The following BTBD9 variants were observed in gnomAD, a reference collection of about 807,000 sequenced individuals.
The protein encoded by BTBD9 is BTB/POZ domain-containing protein 9.
BTBD9 carries 49 observed loss-of-function variants against 64.3 expected under a neutral mutation model. The ratio of observed to expected loss-of-function variants is 0.76; its 90% confidence interval spans 0.61 to 0.97. BTBD9 has a LOEUF of 0.97. BTBD9 is among the 50% of genes least tolerant of loss of function. BTBD9 has a pLI of 0.00. For missense variants in BTBD9, 598 were observed against 762.1 expected, an observed-to-expected ratio of 0.78 and a Z score of 2.53; for synonymous variants, 260 against 274.7, an observed-to-expected ratio of 0.95 and a Z score of 0.53.
At chr6:38,434,585 T>G (rs1009024001) in intron 6 of BTBD9, among the ~76,000 whole-genome samples, 4 of 152,000 alleles carry the variant, frequency 2.6e-5, no homozygotes, top group Non-Finnish European at 5.9e-5. Context: ...GCACATGTTG[T>G]CAGGGTCTCC....
chr6:38,311,866 A>G (rs990367099), intron 7 of BTBD9, among the ~76,000 whole-genome samples: 2 of 149,958 alleles, frequency 1.3e-5, no homozygotes. Flanking sequence ...TTTCTTTTTT[A>G]TTTTTATTTT....
At chr6:38,483,276 T>C (rs1771246685) in intron 6 of BTBD9, among the ~76,000 whole-genome samples, 1 of 152,086 alleles carries the variant, frequency 6.6e-6, no homozygotes, top group Admixed American at 6.6e-5. Flanking sequence ...TCTATCTTGC[T>C]ACAACCAGGA....
intron 9 of BTBD9, among the ~76,000 whole-genome samples, chr6:38,213,619 A>C (rs1178859969): frequency 6.6e-6 from 1 of 152,216 alleles, no homozygotes; most frequent in Non-Finnish European, 1.5e-5. Flanking sequence ...AATGTGAGGC[A>C]GTATGTGGCA....
At chr6:38,517,033 G>A (rs1274422543) in intron 6 of BTBD9, among the ~76,000 whole-genome samples, 2 of 152,156 alleles carry the variant, frequency 1.3e-5, no homozygotes, top group Non-Finnish European at 2.9e-5. Context: ...GAGCTCCAAA[G>A]AGCCCATCAA....
At chr6:38,300,534 T>C (rs1207373002) in intron 7 of BTBD9, among the ~76,000 whole-genome samples, 2 of 152,118 alleles carry the variant, frequency 1.3e-5, no homozygotes, top group Non-Finnish European at 2.9e-5. Flanking sequence ...TTTTATTTCA[T>C]TGAGCAGTGG....
At chr6:38,602,503 C>G (rs900172098) in intron 1 of BTBD9, among the ~76,000 whole-genome samples, 1 of 151,722 alleles carries the variant, frequency 6.6e-6, no homozygotes, top group Non-Finnish European at 1.5e-5. Context: ...TAAAAAAATA[C>G]ACTGAAAAAG....
chr6:38,441,273 T>A (rs745569305), intron 6 of BTBD9, among the ~76,000 whole-genome samples: 1 of 152,164 alleles, frequency 6.6e-6, no homozygotes, highest in Non-Finnish European at 1.5e-5. Context: ...TGGTAGTAGA[T>A]CCTTTGGAGG....
chr6:38,342,415 A>G (rs530414661), intron 7 of BTBD9, among the ~76,000 whole-genome samples: 3 of 151,926 alleles, frequency 2.0e-5, no homozygotes, highest in East Asian at 3.9e-4. Context: ...CGACACCTGT[A>G]GTCCCAGTTA....
At chr6:38,634,119 G>C (rs1307989859) in intron 1 of BTBD9, among the ~76,000 whole-genome samples, 1 of 152,168 alleles carries the variant, frequency 6.6e-6, no homozygotes, top group African/African-American at 2.4e-5. Context: ...AAGCACCTAG[G>C]CAGAATAGTG....
At chr6:38,546,027 T>C (rs1774540972) in intron 6 of BTBD9, among the ~76,000 whole-genome samples, 1 of 152,174 alleles carries the variant, frequency 6.6e-6, no homozygotes, top group Admixed American at 6.5e-5. Flanking sequence ...CTAGTGGATA[T>C]GGTAAGAAGT....
chr6:38,293,269 T>A (rs942676076), intron 7 of BTBD9, among the ~76,000 whole-genome samples: 2 of 152,166 alleles, frequency 1.3e-5, no homozygotes, highest in African/African-American at 4.8e-5. Flanking sequence ...GATTCAATGC[T>A]ATCCCCATCA....
chr6:38,343,567 G>A (rs1045310221), intron 7 of BTBD9, among the ~76,000 whole-genome samples: 3 of 152,056 alleles, frequency 2.0e-5, no homozygotes, highest in Non-Finnish European at 4.4e-5. Context: ...TGGACAACAG[G>A]TGAAAAAGAA....
chr6:38,293,175 G>A (rs980529103), intron 7 of BTBD9, among the ~76,000 whole-genome samples: 5 of 151,946 alleles, frequency 3.3e-5, no homozygotes, highest in South Asian at 2.1e-4. Context: ...GAACACAAAC[G>A]AATGGAAAAA....
chr6:38,322,576 A>C (rs1417807835), intron 7 of BTBD9, among the ~76,000 whole-genome samples: 1 of 152,204 alleles, frequency 6.6e-6, no homozygotes, highest in Non-Finnish European at 1.5e-5. Flanking sequence ...TGGTAGTAAA[A>C]AGGTACAGAG....
chr6:38,382,364 A>G (rs942156185), intron 6 of BTBD9, among the ~76,000 whole-genome samples: 1 of 152,106 alleles, frequency 6.6e-6, no homozygotes, highest in African/African-American at 2.4e-5. Flanking sequence ...TGCCAGCCTC[A>G]GATCCTTCCC....
At chr6:38,207,722 T>C (rs1164177483) in intron 9 of BTBD9, among the ~76,000 whole-genome samples, 3 of 152,218 alleles carry the variant, frequency 2.0e-5, no homozygotes, top group African/African-American at 4.8e-5. Flanking sequence ...TACTTGTTTA[T>C]GCATAAACTA....
chr6:38,577,301 T>C (rs1776085702), intron 6 of BTBD9, among the ~76,000 whole-genome samples: 1 of 152,208 alleles, frequency 6.6e-6, no homozygotes, highest in African/African-American at 2.4e-5. Flanking sequence ...CCATTCACTG[T>C]ATAGCACGGA....
chr6:38,581,541 T>C (rs540252862), intron 4 of BTBD9, among the ~76,000 whole-genome samples: 1 of 152,342 alleles, frequency 6.6e-6, no homozygotes, highest in Non-Finnish European at 1.5e-5. Flanking sequence ...TGCCTGGGAC[T>C]CTGAAGTCCT....
intron 6 of BTBD9, among the ~76,000 whole-genome samples, chr6:38,551,327 T>C (rs778018209): frequency 3.3e-5 from 5 of 152,140 alleles, no homozygotes; most frequent in African/African-American, 9.7e-5. Flanking sequence ...CATACCATGT[T>C]TAAAGATACA....
Sources: gnomAD v4.1 joint callset for allele counts (sites outside exome capture counted in the v4.1 genomes callset) on GRCh38, gnomAD v4.1.1 for gene constraint, MANE v1.5 for transcripts, NCBI Gene and HGNC (gene_info 2026-07-23, HGNC 2026-07-21) for gene names.